Variants in LIAS observed in about 807,000 individuals in gnomAD.
LIAS encodes lipoyl synthase, mitochondrial.
In LIAS, 36 loss-of-function variants were observed where a neutral mutation model predicts 49.4. That is an observed-to-expected ratio of 0.73 (90% CI 0.56 to 0.96). The LOEUF is 0.96. LIAS is among the 40% of genes least tolerant of loss of function. The probability of loss-of-function intolerance (pLI) is 0.00; values close to 1 mark genes in which losing one functional copy is unlikely to be tolerated. For missense variants in LIAS, 399 were observed against 456.3 expected, an observed-to-expected ratio of 0.87 and a Z score of 1.14; for synonymous variants, 145 against 155.8, an observed-to-expected ratio of 0.93 and a Z score of 0.52.
In LIAS at chr4:39,477,114, A is replaced by G; in HGVS notation, c.1118A>G (p.Ter373=). 1.3e-6 allele frequency: 2 copies of G among 1,597,870 alleles called. No individual in the cohort carries two copies. The highest frequency in any genetic ancestry group is 2.2e-5 in the East Asian group (1 of 44,654). Residue 373 remains the stop codon, a stop_retained_variant, in exon 11 of 11, where the codon TAA becomes TGA. Transcript: ENST00000640888. ...LVAKRKTKDL[*] Reference sequence around the variant, plus strand: ...GCTAAAAGAAAAACAAAAGACCTCTAAAACTTCAACAAGACCTTCAAGATC... The same window carrying G: ...GCTAAAAGAAAAACAAAAGACCTCTGAAACTTCAACAAGACCTTCAAGATC...
chr4:39,459,901 A>T (rs1047986049), intron 1 of LIAS, among the ~76,000 whole-genome samples: 1 of 151,518 alleles, frequency 6.6e-6, no homozygotes, highest in East Asian at 1.9e-4. Context: ...CGGAGGTTGC[A>T]GTGAGCCGAG....
Position 39,476,928 on chromosome 4 carries a change from T to C in LIAS, c.1067-135T>C, listed in dbSNP as rs562969542. The C allele has an allele frequency of 3.0e-4, 184 of 615,426 alleles. 2 individuals carry two copies. The South Asian group carries it at 3.9e-3, about 13-fold the overall frequency. 38.1% of individuals were successfully genotyped at this position (615,426 alleles called of 1,614,324 possible). A position where few individuals can be genotyped will look rare whatever the true frequency, so the allele number is the denominator to read the frequency against. On this transcript the variant is annotated intron_variant, in intron 10 of 10. Coordinates refer to ENST00000640888, the MANE Select transcript of LIAS (RefSeq NM_006859.4). ...GTTAGAAAAATATTGCCATTGAGGT[T>C]TGAGAAGAGAGAAGTGCCAATAAAT...
Position 39,477,191 on chromosome 4 carries a change from T to A in LIAS, c.*76T>A. 8.9e-7 allele frequency: 1 copy of A among 1,118,250 alleles called. No individual in the cohort carries two copies. Among genetic ancestry groups the A allele is most frequent in the East Asian group, 2.5e-5 (1 of 40,712 alleles). 69.3% of individuals were successfully genotyped at this position (1,118,250 alleles called of 1,614,324 possible). On this transcript the variant is annotated 3_prime_UTR_variant, in exon 11 of 11. Transcript: ENST00000640888. The stretch of plus-strand genomic sequence containing the variant: ...GTTAATAACAGAGGTGGTGCCAGAA[T>A]GCCTGGACTGCAGTGGATGTGCCCC...
rs201146888 is a variant in LIAS, at chr4:39,465,721, A to C, written c.608+379A>C. On this transcript the variant is annotated intron_variant, in intron 6 of 10. Coordinates refer to ENST00000640888, the MANE Select transcript of LIAS (RefSeq NM_006859.4). ...CGCTCTTTTGCCCAGGCTAGAGTGC[A>C]TGGCACCATCTCACTGCAACCTCTG... Among the ~76,000 whole-genome samples the C allele has an allele frequency of 3.3e-5, 5 of 149,502 alleles. No individual in the cohort carries two copies. The East Asian group carries it at 7.8e-4, about 23-fold the overall frequency.
At chr4:39,462,483 G>A (rs1744558145) in intron 3 of LIAS, among the ~76,000 whole-genome samples, 194 bp downstream of exon 3, 1 of 152,066 alleles carries the variant, frequency 6.6e-6, no homozygotes, top group African/African-American at 2.4e-5. Context: ...TGCCCTACGA[G>A]TTTGGAAACA....
rs1185127040 is a variant in LIAS at position 39,459,178 on chromosome 4, A to G, written c.45+16A>G. On this transcript the variant is annotated intron_variant, in intron 1 of 10. Transcript: ENST00000640888. ...GGGGCCCCGGGTGAGCGGCGGGGCG[A>G]ACGGGTTTGGGCGTGGGGTGGGGGG... 3.1e-6 allele frequency: 5 copies of G among 1,610,662 alleles called. No individual in the cohort carries two copies. In the South Asian group the frequency reaches 4.4e-5, roughly 14 times the overall value.
chr4:39,464,925 C>A, intron 4 of LIAS, 121 bp from the exon 5 acceptor site: 3 of 697,778 alleles, frequency 4.3e-6, no homozygotes, highest in Non-Finnish European at 4.7e-6. Flanking sequence ...TTGAATGTTT[C>A]AAATTTCTTA....
Position 39,473,221 on chromosome 4 carries a change from A to G in LIAS, c.1066+10A>G. On this transcript the variant is annotated intron_variant, in intron 10 of 10. Coordinates refer to ENST00000640888, the MANE Select transcript of LIAS (RefSeq NM_006859.4). ...TCTTCATATAAAGCAGGTAAGTTAG[A>G]TTGTGGGGCATGGTTTCATTTAGGC... The G allele has an allele frequency of 6.6e-7, 1 of 1,507,876 alleles. No homozygotes were observed. The highest frequency in any genetic ancestry group is 9.2e-7 in the Non-Finnish European group (1 of 1,083,284). 93.4% of individuals were successfully genotyped at this position (1,507,876 alleles called of 1,614,324 possible).
At chr4:39,464,820 C>A (rs915299472) in intron 4 of LIAS, among the ~76,000 whole-genome samples, 4 of 152,164 alleles carry the variant, frequency 2.6e-5, no homozygotes, top group African/African-American at 7.2e-5. Context: ...CTGATCCCAT[C>A]CCCTTTCCCC....
At position 39,460,857 on chromosome 4, in the gene LIAS, T is replaced by G. The variant is rs767850382; in HGVS notation, c.113T>G (p.Leu38Arg). ...TCCTTGCCAGATAAAAAAAAGGAAC[T>G]CCTACAGAATGGACCAGACCTTCAA... ...LSSLPDKKKELLQNGPDLQDF... is the reference protein window; with the variant it reads ...LSSLPDKKKERLQNGPDLQDF... The change falls in exon 2 of 11, where the codon CTC (leucine) becomes CGC (arginine). Residue 38 changes from leucine (L) to arginine (R), a missense_variant. Leu to Arg is a moderately radical substitution (Grantham distance 102). Transcript: ENST00000640888. 2.9e-5 allele frequency: 47 copies of G among 1,610,788 alleles called. No individual in the cohort carries two copies. The highest frequency in any genetic ancestry group is 2.2e-5 in the East Asian group (1 of 44,852).
chr4:39,479,157 C>G lies in LIAS; in HGVS notation c.*2042C>G, dbSNP rs567304689. 3 of 152,266 alleles carry G rather than the reference C, an allele frequency of 2.0e-5. No individual in the cohort carries two copies. In the South Asian group the frequency reaches 6.2e-4, roughly 32 times the overall value. 9.4% of individuals were successfully genotyped at this position (152,266 alleles called of 1,614,324 possible). A position where few individuals can be genotyped will look rare whatever the true frequency, so the allele number is the denominator to read the frequency against. On this transcript the variant is annotated 3_prime_UTR_variant, in exon 11 of 11. Coordinates refer to ENST00000640888, the MANE Select transcript of LIAS (RefSeq NM_006859.4). ...CCTGACAGGCAGAGGTTGCAGTGAG[C>G]TGAGATCACATCACTGTACTCCAGC...
Position 39,459,144 on chromosome 4 carries a change from C to A in LIAS, c.27C>A (p.Ala9=), listed in dbSNP as rs553110956. The A allele has an allele frequency of 4.3e-6, 7 of 1,613,706 alleles. No individual in the cohort carries two copies. The African/African-American group carries it at 9.3e-5, about 21-fold the overall frequency. Residue 9 remains alanine, a synonymous_variant, in exon 1 of 11, where the codon GCC becomes GCA. Coordinates refer to ENST00000640888, the MANE Select transcript of LIAS (RefSeq NM_006859.4). MSLRCGDA[A]RTLGPRVFGR... ...TGTCTCTACGCTGCGGGGATGCAGC[C>A]CGCACCCTGGGGCCCCGGGTGAGCG... is the stretch of plus-strand genomic sequence containing the variant.
intron 4 of LIAS, 93 bp downstream of exon 4, chr4:39,463,698 G>A: frequency 7.0e-7 from 1 of 1,437,868 alleles, no homozygotes. Context: ...ATGAATCTCT[G>A]GTCAGATTTT....
intron 4 of LIAS, chr4:39,463,926 C>T (rs535940181): frequency 4.3e-6 from 1 of 233,672 alleles, no homozygotes; most frequent in Non-Finnish European, 8.1e-6. Flanking sequence ...ACATATTCAA[C>T]AAGAAGGAGC....
chr4:39,476,549 C>T (rs1188282433), intron 10 of LIAS: 1 of 152,772 alleles, frequency 6.5e-6, no homozygotes, highest in Non-Finnish European at 1.5e-5. Context: ...GTAGGCACAA[C>T]TCAGGCGGTG....
intron 7 of LIAS, 127 bp from the exon 8 acceptor site, chr4:39,469,892 T>C (rs577249886): frequency 3.8e-6 from 3 of 783,092 alleles, no homozygotes; most frequent in South Asian, 2.7e-5. Context: ...GCATAAATGC[T>C]ACCTTTGAAC....
intron 6 of LIAS, 91 bp from the exon 7 acceptor site, chr4:39,467,427 G>A: frequency 4.0e-6 from 5 of 1,250,276 alleles, no homozygotes; most frequent in East Asian, 5.0e-5. Flanking sequence ...CTGTGTTGAA[G>A]CATACTGAAC....
intron 6 of LIAS, chr4:39,466,836 G>A (rs947434843): frequency 7.9e-5 from 12 of 152,110 alleles, no homozygotes; most frequent in Non-Finnish European, 1.3e-4. Context: ...TTTGCCAGTG[G>A]GTTTGTGAAA....
Position 39,463,577 on chromosome 4 carries a change from A to G in LIAS, c.365A>G (p.Glu122Gly). Reference sequence around the variant, plus strand: ...ATTGGAGAGTGTTGGGGAGGTGGAGAATATGCCACCGCCACAGCCACGATC... The same window carrying G: ...ATTGGAGAGTGTTGGGGAGGTGGAGGATATGCCACCGCCACAGCCACGATC... ...PNIGECWGGG[E>G]YATATATIML... Residue 122 changes from glutamate to glycine, a missense_variant, in exon 4 of 11, where the codon GAA becomes GGA. By Grantham distance (98) the Glu-to-Gly change is moderately conservative (BLOSUM62 -2). Coordinates refer to ENST00000640888, the MANE Select transcript of LIAS (RefSeq NM_006859.4). 3 of 1,612,752 alleles carry G rather than the reference A, an allele frequency of 1.9e-6. No homozygotes were observed. Among genetic ancestry groups the G allele is most frequent in the Non-Finnish European group, 2.5e-6 (3 of 1,179,236 alleles).
Sources: gnomAD v4.1 joint callset for allele counts (sites outside exome capture counted in the v4.1 genomes callset) on GRCh38, gnomAD v4.1.1 for gene constraint, MANE v1.5 for transcripts, NCBI Gene and HGNC (gene_info 2026-07-23, HGNC 2026-07-21) for gene names.